Variants in DSCAM observed in about 807,000 individuals in gnomAD.
The protein encoded by DSCAM is cell adhesion molecule DSCAM.
A neutral mutation model predicts 217.7 loss-of-function variants in DSCAM; 47 were observed. The observed-to-expected ratio is 0.22, with a 90% CI of 0.17 to 0.28. DSCAM has a LOEUF of 0.28. Ranked by LOEUF, DSCAM falls within the 10% of genes least tolerant of loss-of-function variation. The pLI is 1.00. For missense variants in DSCAM, 2,080 were observed against 2,618.3 expected (o/e 0.79, Z 4.49); for synonymous variants, 1,056 against 1,015.3 (o/e 1.04, Z -0.76).
chr21:40,674,275 T>C (rs927868042), intron 3 of DSCAM, among the ~76,000 whole-genome samples: 1 of 152,212 alleles, frequency 6.6e-6, no homozygotes, highest in African/African-American at 2.4e-5. Context: ...TGGCCAGAAT[T>C]TAGAGCTCAT....
intron 1 of DSCAM, among the ~76,000 whole-genome samples, chr21:40,766,612 A>G (rs1283536139): frequency 6.7e-6 from 1 of 149,622 alleles, no homozygotes; most frequent in African/African-American, 2.5e-5. Flanking sequence ...GACAGCTTCC[A>G]AGTTCCAAGT....
At chr21:40,586,834 A>C (rs1365873651) in intron 3 of DSCAM, among the ~76,000 whole-genome samples, 1 of 152,206 alleles carries the variant, frequency 6.6e-6, no homozygotes, top group African/African-American at 2.4e-5. Flanking sequence ...CTAACAACAC[A>C]ATATGACAGT....
At chr21:40,518,008 T>C (rs1003471680) in intron 3 of DSCAM, among the ~76,000 whole-genome samples, 3 of 151,950 alleles carry the variant, frequency 2.0e-5, no homozygotes, top group African/African-American at 4.8e-5. Context: ...CTCTGCAGAC[T>C]CTTGGTTCAC....
intron 3 of DSCAM, among the ~76,000 whole-genome samples, chr21:40,675,813 T>C (rs952805642): frequency 2.0e-5 from 3 of 152,226 alleles, no homozygotes; most frequent in African/African-American, 7.2e-5. Context: ...TTTACAATGT[T>C]TGTCCCTCGT....
intron 3 of DSCAM, among the ~76,000 whole-genome samples, chr21:40,518,183 G>T (rs184155348): frequency 1.4e-5 from 2 of 146,954 alleles, no homozygotes; most frequent in East Asian, 4.2e-4. Flanking sequence ...ATAGGAATCT[G>T]TGTGTGCATT....
intron 15 of DSCAM, among the ~76,000 whole-genome samples, chr21:40,178,405 A>G (rs746448252): frequency 6.6e-6 from 1 of 152,182 alleles, no homozygotes; most frequent in Non-Finnish European, 1.5e-5. Flanking sequence ...CACTAAATAT[A>G]ATGTTGTTTG....
At chr21:40,440,081 A>G (rs1036363603) in intron 3 of DSCAM, among the ~76,000 whole-genome samples, 3 of 152,230 alleles carry the variant, frequency 2.0e-5, no homozygotes, top group Non-Finnish European at 4.4e-5. Flanking sequence ...GGTCTTCTGA[A>G]TGAGTTGTAG....
chr21:40,499,630 C>A (rs1474767221), intron 3 of DSCAM, among the ~76,000 whole-genome samples: 1 of 152,194 alleles, frequency 6.6e-6, no homozygotes, highest in Non-Finnish European at 1.5e-5. Context: ...TTCTCTTGCT[C>A]TTTTCCAAAC....
rs2089165171 is a variant in DSCAM at position 40,063,882 on chromosome 21, G to A, written c.4889-983C>T. Among the ~76,000 whole-genome samples the A allele has an allele frequency of 3.9e-5, 6 of 152,294 alleles. No individual in the cohort carries two copies. The South Asian group carries it at 1.2e-3, about 32-fold the overall frequency. ...AGAGGCTGTCCTTGCCATGAGCCAA[G>A]CTTAGTTCGTTAAGTTGGCCAGTCC... On this transcript the variant is annotated intron_variant, in intron 27 of 32. Transcript: ENST00000400454.
rs780342375 is a variant in DSCAM at position 40,312,329 on chromosome 21, G to C, written c.1814C>G (p.Pro605Arg). 1.9e-6 allele frequency: 3 copies of C among 1,613,962 alleles called. No homozygotes were observed. Among genetic ancestry groups the C allele is most frequent in the African/African-American group, 2.7e-5 (2 of 75,026 alleles). The change falls in exon 9 of 33, where the codon CCA becomes CGA. Residue 605 changes from proline (P) to arginine (R), a missense_variant. By Grantham distance (103) the Pro-to-Arg change is moderately radical. This residue lies in a region of DSCAM where 218 missense variants were observed against 364.1 expected (regional missense o/e 0.60). Coordinates refer to ENST00000400454, the MANE Select transcript of DSCAM (RefSeq NM_001389.5). ...GACCCGCTGCCCAATGGAGAATCTT[G>C]GAAACTCAAAGGGTTGTATGAAAGG... ...VPPFIQPFEF[P>R]RFSIGQRVFI... is the part of the protein sequence containing the mutation.
At chr21:40,760,421 G>A (rs189359360) in intron 1 of DSCAM, among the ~76,000 whole-genome samples, 9 of 152,266 alleles carry the variant, frequency 5.9e-5, no homozygotes, top group South Asian at 2.1e-4. Flanking sequence ...AGAGGGTGAC[G>A]TTAGCTTGCA....
At chr21:40,063,759 T>G (rs1041326936) in intron 27 of DSCAM, among the ~76,000 whole-genome samples, 1 of 152,186 alleles carries the variant, frequency 6.6e-6, no homozygotes, top group African/African-American at 2.4e-5. Context: ...CATTTCCATC[T>G]CATGCCTTTG....
At chr21:40,289,620 GTAA>G (rs2073866879) in intron 10 of DSCAM, among the ~76,000 whole-genome samples, 1 of 152,088 alleles carries the variant, frequency 6.6e-6, no homozygotes, top group South Asian at 2.1e-4. Flanking sequence ...ACAGTACATT[GTAA>G]TAATAATTTT....
At chr21:40,221,496 T>C (rs1047448013) in intron 11 of DSCAM, among the ~76,000 whole-genome samples, 1 of 149,172 alleles carries the variant, frequency 6.7e-6, no homozygotes, top group African/African-American at 2.4e-5. Flanking sequence ...ATATTATATA[T>C]AATATACATA....
chr21:40,633,955 C>G (rs1014681224), intron 3 of DSCAM, among the ~76,000 whole-genome samples: 1 of 152,180 alleles, frequency 6.6e-6, no homozygotes, highest in African/African-American at 2.4e-5. Context: ...AGGTGGTCTT[C>G]TCCCAAAGGG....
rs751181356 is a variant in DSCAM at position 40,347,783 on chromosome 21, TTGATCCCTG to T, written c.1088_1096del (p.Thr363_Ile365del). ...GTGATCCATTATAAGGTTTTCGTGG[TTGATCCCTG>T]TGATCCTCACATTTTTTCCAGGGTT... On this transcript the variant is annotated inframe_deletion, in exon 6 of 33. Coordinates refer to ENST00000400454, the MANE Select transcript of DSCAM (RefSeq NM_001389.5). 1.2e-6 allele frequency: 2 copies of T among 1,614,234 alleles called. No homozygotes were observed. Among genetic ancestry groups the T allele is most frequent in the African/African-American group, 2.7e-5 (2 of 75,066 alleles).
At chr21:40,789,017 C>T (rs2091616648) in intron 1 of DSCAM, among the ~76,000 whole-genome samples, 1 of 151,972 alleles carries the variant, frequency 6.6e-6, no homozygotes, top group African/African-American at 2.4e-5. Context: ...TATCTCATTG[C>T]CTGGCGCATA....
intron 11 of DSCAM, among the ~76,000 whole-genome samples, chr21:40,225,029 C>G (rs1408113481): frequency 6.6e-6 from 1 of 152,180 alleles, no homozygotes; most frequent in Non-Finnish European, 1.5e-5. Context: ...AGGTGAAGCA[C>G]ATGACACTCA....
chr21:40,811,419 A>G (rs915844013), intron 1 of DSCAM, among the ~76,000 whole-genome samples: 1 of 152,238 alleles, frequency 6.6e-6, no homozygotes, highest in African/African-American at 2.4e-5. Context: ...CAAATACTTG[A>G]TGCTTGTTGA....
Sources: allele counts gnomAD v4.1 joint callset (sites outside exome capture counted in the v4.1 genomes callset), GRCh38; gene constraint gnomAD v4.1.1; regional missense constraint gnomAD v4.1.1; transcripts MANE v1.5; gene names NCBI Gene and HGNC (gene_info 2026-07-23, HGNC 2026-07-21).